UGT1A9: variants seen among roughly 807,000 people sequenced by gnomAD.
UGT1A9 encodes the protein UDP glucuronosyltransferase family 1 member A9.
UGT1A9 carries 35 observed loss-of-function variants against 45.0 expected under a neutral mutation model. That is an observed-to-expected ratio of 0.78 (90% CI 0.59 to 1.03). The LOEUF (loss-of-function observed/expected upper bound fraction) is 1.03. Among genes scored for constraint, UGT1A9 ranks in the 50% least tolerant of loss-of-function variants. UGT1A9 has a pLI of 0.00. For missense variants in UGT1A9, 687 were observed against 666.6 expected, an observed-to-expected ratio of 1.03 and a Z score of -0.34; for synonymous variants, 278 against 250.6, an observed-to-expected ratio of 1.11 and a Z score of -1.03.
At chr2:233,714,600 T>C (rs1271124758) in intron 1 of UGT1A9, among the ~76,000 whole-genome samples, 1 of 152,252 alleles carries the variant, frequency 6.6e-6, no homozygotes, top group East Asian at 1.9e-4. Flanking sequence ...CTAGTGGGCA[T>C]GTTAAACACC....
intron 1 of UGT1A9, chr2:233,754,604 C>T (rs1227545131): frequency 6.9e-6 from 3 of 433,838 alleles, no homozygotes; most frequent in Non-Finnish European, 1.4e-5. Context: ...TTTAACTCAA[C>T]TCTCCATCTT....
intron 1 of UGT1A9, among the ~76,000 whole-genome samples, chr2:233,696,006 C>T (rs2075317291): frequency 6.6e-6 from 1 of 152,064 alleles, no homozygotes; most frequent in Admixed American, 6.6e-5. Flanking sequence ...AGCATCAGGT[C>T]CCACAGACAT....
chr2:233,722,845 CTT>C (rs61550889), intron 1 of UGT1A9, among the ~76,000 whole-genome samples: 22 of 135,308 alleles, frequency 1.6e-4, no homozygotes, highest in African/African-American at 3.8e-4. Flanking sequence ...AAGAATGTTT[CTT>C]TTTTTTTTTT....
intron 1 of UGT1A9, among the ~76,000 whole-genome samples, chr2:233,683,009 A>C (rs950261288): frequency 6.6e-6 from 1 of 152,212 alleles, no homozygotes; most frequent in Non-Finnish European, 1.5e-5. Context: ...ATAATTGTAG[A>C]TCATATCTAG....
chr2:233,751,166 C>A lies in UGT1A9; in HGVS notation c.856-15868C>A, dbSNP rs1022992608. ...AGCCCACTTCTGGCATCAGCATGAC[C>A]TAGATATGAGACATGAAGTTAAAGG... On this transcript the variant is annotated intron_variant, in intron 1 of 4. Transcript: ENST00000354728. 3.9e-5 allele frequency among the ~76,000 whole-genome samples: 6 copies of A among 151,970 alleles called. 1 individual carries two copies. Among genetic ancestry groups the A allele is most frequent in the African/African-American group, 1.5e-4 (6 of 41,220 alleles).
At chr2:233,726,156 G>A (rs1332003910) in intron 1 of UGT1A9, among the ~76,000 whole-genome samples, 1 of 152,114 alleles carries the variant, frequency 6.6e-6, no homozygotes, top group Non-Finnish European at 1.5e-5. Context: ...ACAGAGTGAG[G>A]CCCCATTTCA....
intron 1 of UGT1A9, among the ~76,000 whole-genome samples, chr2:233,720,226 G>C (rs989732732): frequency 6.6e-6 from 1 of 152,194 alleles, no homozygotes; most frequent in Non-Finnish European, 1.5e-5. Flanking sequence ...CATGTGATCA[G>C]AGAATGAAAC....
intron 1 of UGT1A9, chr2:233,717,989 C>A: frequency 2.3e-6 from 1 of 440,050 alleles, no homozygotes; most frequent in South Asian, 1.6e-5. Context: ...GGAATTCAGA[C>A]TGTGCAAGAT....
At chr2:233,714,126 C>T (rs866787079) in intron 1 of UGT1A9, among the ~76,000 whole-genome samples, 2 of 152,016 alleles carry the variant, frequency 1.3e-5, no homozygotes, top group Admixed American at 6.5e-5. Context: ...GGAGACTGTT[C>T]GTTTGTAAAA....
At chr2:233,768,026 TG>T (rs1699551071) in intron 3 of UGT1A9, 90 bp downstream of exon 3, 2 of 1,613,156 alleles carry the variant, frequency 1.2e-6, no homozygotes, top group Non-Finnish European at 1.7e-6. Context: ...TTGTTGAGCT[TG>T]AAAATATTAT....
Position 233,769,600 on chromosome 2 carries a change from G to C in UGT1A9, c.1295+1161G>C. ...GTTCAGATGAGAGGAGACGGAACAC[G>C]GGGACACACCAGCTTGAGCAAGGGA... is the stretch of plus-strand genomic sequence containing the variant. On this transcript the variant is annotated intron_variant, in intron 4 of 4. Coordinates refer to ENST00000354728, the MANE Select transcript of UGT1A9 (RefSeq NM_021027.3). The surrounding 1 kb of genome is among the most constrained non-coding windows in gnomAD (Gnocchi z 4.4). 6.2e-7 allele frequency: 1 copy of C among 1,612,786 alleles called. No individual in the cohort carries two copies. Among genetic ancestry groups the C allele is most frequent in the Non-Finnish European group, 8.5e-7 (1 of 1,179,854 alleles).
chr2:233,767,955 A>G lies in UGT1A9; in HGVS notation c.1075+19A>G. ...CTGCTTGGTATGTTGGGCGGATTGG[A>G]TGTATAGGTCAAACCAGGGTCAAAT... On this transcript the variant is annotated intron_variant, in intron 3 of 4. Coordinates refer to ENST00000354728, the MANE Select transcript of UGT1A9 (RefSeq NM_021027.3). 1 of 1,614,124 alleles carries G rather than the reference A, an allele frequency of 6.2e-7. No homozygotes were observed. The highest frequency in any genetic ancestry group is 8.5e-7 in the Non-Finnish European group (1 of 1,180,040).
chr2:233,719,129 A>C lies in UGT1A9; in HGVS notation c.855+46340A>C, dbSNP rs1422705774. 6 of 1,614,158 alleles carry C rather than the reference A, an allele frequency of 3.7e-6. No individual in the cohort carries two copies. In the African/African-American group the frequency reaches 6.7e-5, roughly 18 times the overall value. ...GCTACACTCAAGGGTTCTTTGAAACAGAACATCTTCTGAAGAGATATTCTA... is the reference window on the plus strand; with the variant it reads ...GCTACACTCAAGGGTTCTTTGAAACCGAACATCTTCTGAAGAGATATTCTA... On this transcript the variant is annotated intron_variant, in intron 1 of 4. Transcript: ENST00000354728.
At chr2:233,724,792 G>T (rs992945436) in intron 1 of UGT1A9, among the ~76,000 whole-genome samples, 1 of 140,672 alleles carries the variant, frequency 7.1e-6, no homozygotes, top group African/African-American at 2.8e-5. Context: ...CTTCCCAGAC[G>T]GGGTGGCGGC....
chr2:233,719,734 T>C lies in UGT1A9; in HGVS notation c.855+46945T>C, dbSNP rs370386346. 2.0e-5 allele frequency: 32 copies of C among 1,613,416 alleles called. 1 individual carries two copies. The East Asian group carries it at 2.7e-4, about 13-fold the overall frequency. On this transcript the variant is annotated intron_variant, in intron 1 of 4. Transcript: ENST00000354728. Reference sequence around the variant, plus strand: ...CAATCAATGTTCCAGGCAAAACACTTTTTAAAAAATGTATTTACTTACAAG... The same window carrying C: ...CAATCAATGTTCCAGGCAAAACACTCTTTAAAAAATGTATTTACTTACAAG...
intron 1 of UGT1A9, among the ~76,000 whole-genome samples, chr2:233,744,175 A>C (rs1324245746): frequency 1.3e-5 from 2 of 151,870 alleles, no homozygotes; most frequent in African/African-American, 4.9e-5. Flanking sequence ...TCCGGCCTCC[A>C]ACCAGCCATG....
intron 1 of UGT1A9, among the ~76,000 whole-genome samples, chr2:233,762,648 C>T (rs564771250): frequency 6.6e-6 from 1 of 151,468 alleles, no homozygotes; most frequent in African/African-American, 2.4e-5. Context: ...AAAAGATAAG[C>T]TATTTTGTAG....
chr2:233,765,271 A>T (rs1304943144), intron 1 of UGT1A9, among the ~76,000 whole-genome samples: 1 of 152,224 alleles, frequency 6.6e-6, no homozygotes, highest in Admixed American at 6.5e-5. Flanking sequence ...TACCCAAAGA[A>T]ATATAAATTA....
intron 4 of UGT1A9, chr2:233,771,178 A>T (rs1700251427): frequency 6.6e-6 from 1 of 152,240 alleles, no homozygotes; most frequent in African/African-American, 2.4e-5. Flanking sequence ...GGGGATTACA[A>T]TTCAACATGA....
Sources: allele counts gnomAD v4.1 joint callset (sites outside exome capture counted in the v4.1 genomes callset), GRCh38; gene constraint gnomAD v4.1.1; non-coding constraint Gnocchi (gnomAD v3.1); transcripts MANE v1.5; gene names NCBI Gene and HGNC (gene_info 2026-07-23, HGNC 2026-07-21).